Variants in ANO10 observed in about 807,000 individuals in gnomAD.
ANO10 encodes anoctamin-10.
ANO10 carries 77 observed loss-of-function variants against 74.7 expected under a neutral mutation model. The ratio of observed to expected loss-of-function variants is 1.03; its 90% CI spans 0.86 to 1.25. The LOEUF is 1.25. ANO10 is among the 50% of genes most tolerant of loss of function. The pLI is 0.00. For synonymous variants in ANO10, 279 were observed against 284.9 expected (o/e 0.98, Z 0.21); for missense variants, 721 against 778.1 (o/e 0.93, Z 0.87).
intron 12 of ANO10, among the ~76,000 whole-genome samples, chr3:43,413,873 C>G (rs1313808231): frequency 6.6e-6 from 1 of 151,746 alleles, no homozygotes. Flanking sequence ...CCACCACAGT[C>G]AGCTGCACTA....
rs118173642 is a variant in ANO10 at position 43,427,743 on chromosome 3, G to T, written c.1914+4868C>A. Among the ~76,000 whole-genome samples the T allele has an allele frequency of 3.3e-5, 5 of 152,306 alleles. No individual in the cohort carries two copies. The East Asian group carries it at 9.6e-4, about 29-fold the overall frequency. Reference sequence around the variant, plus strand: ...ATAGTTACAAAGCAGATAGTTAAATGTCAGATTAAAGAAAAATGAGAAATC... The same window carrying T: ...ATAGTTACAAAGCAGATAGTTAAATTTCAGATTAAAGAAAAATGAGAAATC... On this transcript the variant is annotated intron_variant, in intron 12 of 12. Coordinates refer to ENST00000292246, the MANE Select transcript of ANO10 (RefSeq NM_018075.5).
chr3:43,376,220 A>G (rs1052308149), intron 12 of ANO10, among the ~76,000 whole-genome samples: 27 of 152,370 alleles, frequency 1.8e-4, no homozygotes, highest in African/African-American at 5.8e-4. Flanking sequence ...AAGAAAGGTT[A>G]AAATAAGCCA....
chr3:43,550,460 G>A (rs2079406249), intron 10 of ANO10, among the ~76,000 whole-genome samples: 1 of 152,104 alleles, frequency 6.6e-6, no homozygotes, highest in Non-Finnish European at 1.5e-5. Flanking sequence ...AGGATGGATG[G>A]AGAAATGTTG....
chr3:43,525,258 G>A (rs1267314420), intron 11 of ANO10, among the ~76,000 whole-genome samples: 3 of 152,062 alleles, frequency 2.0e-5, no homozygotes, highest in African/African-American at 7.2e-5. Context: ...CATGGTCCCT[G>A]GGCAGGCTAT....
chr3:43,481,307 C>G (rs954783820), intron 11 of ANO10, among the ~76,000 whole-genome samples: 5 of 152,050 alleles, frequency 3.3e-5, no homozygotes, highest in Non-Finnish European at 7.4e-5. Context: ...GATAAAAAAG[C>G]TGAATTTGCT....
intron 4 of ANO10, among the ~76,000 whole-genome samples, chr3:43,595,511 C>A (rs932333321): frequency 6.6e-6 from 1 of 152,128 alleles, no homozygotes; most frequent in Non-Finnish European, 1.5e-5. Flanking sequence ...AGACAAAAAC[C>A]ACATGATTAT....
Position 43,612,137 on chromosome 3 carries a change from ATT to A in ANO10, c.-11-6276_-11-6275del, listed in dbSNP as rs1286914056. On this transcript the variant is annotated intron_variant, in intron 1 of 12. Transcript: ENST00000292246. ...TGCAGTGGAATAAAGAAAATTAAAT[ATT>A]TTATATATATATATATATATATATA... Among the ~76,000 whole-genome samples, 140 of 95,620 alleles carry A rather than the reference ATT, an allele frequency of 1.5e-3. 1 individual carries two copies. The highest frequency in any genetic ancestry group is 3.9e-3 in the African/African-American group (90 of 23,050). The allele number at this position is 95,620 out of a possible 152,430, so 62.7% of individuals were successfully genotyped here.
At chr3:43,645,212 G>T (rs974729027) in intron 1 of ANO10, among the ~76,000 whole-genome samples, 1 of 152,060 alleles carries the variant, frequency 6.6e-6, no homozygotes, top group Non-Finnish European at 1.5e-5. Context: ...GAAAGCAAAC[G>T]CATCTCAAAG....
chr3:43,488,643 T>C (rs1438381600), intron 11 of ANO10, among the ~76,000 whole-genome samples: 1 of 150,152 alleles, frequency 6.7e-6, no homozygotes, highest in African/African-American at 2.4e-5. Flanking sequence ...CCAGTTAGAA[T>C]GGCAATCATT....
intron 4 of ANO10, among the ~76,000 whole-genome samples, chr3:43,591,661 TC>T (rs1331210038): frequency 5.3e-5 from 8 of 152,090 alleles, no homozygotes; most frequent in African/African-American, 1.9e-4. Flanking sequence ...AGTCTACAGC[TC>T]CCAGCATGAG....
At chr3:43,435,843 T>C (rs771845959) in intron 11 of ANO10, among the ~76,000 whole-genome samples, 21 of 152,208 alleles carry the variant, frequency 1.4e-4, no homozygotes, top group Non-Finnish European at 2.1e-4. Context: ...CCTCCACCCC[T>C]ACCCCTACCC....
In ANO10 at chr3:43,561,217, T is replaced by C; in HGVS notation, c.1476+3A>G. On this transcript the variant is annotated splice_donor_region_variant and intron_variant, in intron 9 of 12. Coordinates refer to ENST00000292246, the MANE Select transcript of ANO10 (RefSeq NM_018075.5). ...TGTTTAATTCAGCAATATTCCAACT[T>C]ACCAAATAAGTTCCCATTTCTTTTT... 6.2e-7 allele frequency: 1 copy of C among 1,614,110 alleles called. No individual in the cohort carries two copies.
chr3:43,623,646 C>A (rs571635352), upstream of ANO10, among the ~76,000 whole-genome samples: 1 of 152,326 alleles, frequency 6.6e-6, no homozygotes, highest in Admixed American at 6.5e-5. Context: ...GTTCTTTACT[C>A]CCCACCCTTC....
At chr3:43,640,553 A>T (rs917315961) in intron 1 of ANO10, among the ~76,000 whole-genome samples, 1 of 152,216 alleles carries the variant, frequency 6.6e-6, no homozygotes, top group African/African-American at 2.4e-5. Context: ...AGATTCTGGA[A>T]GTTTCATTTC....
chr3:43,615,288 G>A (rs1192952061), intron 1 of ANO10, among the ~76,000 whole-genome samples: 1 of 152,054 alleles, frequency 6.6e-6, no homozygotes, highest in African/African-American at 2.4e-5. Context: ...TAGCAAACAG[G>A]GGAGCTGGGA....
At chr3:43,475,367 A>G in intron 11 of ANO10, among the ~76,000 whole-genome samples, 1 of 152,186 alleles carries the variant, frequency 6.6e-6, no homozygotes. Context: ...CCCAAAGATC[A>G]GATAAATATT....
rs1477233661 is a variant in ANO10, at chr3:43,636,715, AT to A, written c.-11-30853del. 7.9e-5 allele frequency among the ~76,000 whole-genome samples: 12 copies of A among 152,340 alleles called. No homozygotes were observed. The East Asian group carries it at 2.1e-3, about 27-fold the overall frequency. ...TAATTTGTACAATATATTGTCATAT[AT>A]TTTTGTGTTTAATAGACGTTCTTTG... On this transcript the variant is annotated intron_variant, in intron 1 of 3. Coordinates refer to the ANO10 transcript ENST00000413397.
At chr3:43,691,107 C>A in intron 1 of ANO10, 1 of 1,438,490 alleles carries the variant, frequency 7.0e-7, no homozygotes, top group Non-Finnish European at 9.2e-7. Flanking sequence ...CGGGTTAGGG[C>A]CCAGCGGGCA....
At chr3:43,683,829 A>G (rs2084235825) in intron 1 of ANO10, among the ~76,000 whole-genome samples, 1 of 152,214 alleles carries the variant, frequency 6.6e-6, no homozygotes, top group Admixed American at 6.5e-5. Context: ...AGAAATGGGG[A>G]AAGGATTCCC....
Sources: allele counts gnomAD v4.1 joint callset (sites outside exome capture counted in the v4.1 genomes callset), GRCh38; gene constraint gnomAD v4.1.1; transcripts MANE v1.5; gene names NCBI Gene and HGNC (gene_info 2026-07-23, HGNC 2026-07-21).